TRIM44: variants seen among roughly 807,000 people sequenced by gnomAD.
TRIM44 encodes the protein tripartite motif containing 44, also known as tripartite motif-containing protein 44.
In TRIM44, 13 loss-of-function variants were observed where a neutral mutation model predicts 37.4. The ratio of observed to expected loss-of-function variants is 0.35; its 90% CI spans 0.23 to 0.55. The LOEUF is 0.55. Ranked by LOEUF, TRIM44 falls within the 20% of genes least tolerant of loss-of-function variation. TRIM44 has a pLI of 0.89. For missense variants in TRIM44, 426 were observed against 437.2 expected, an observed-to-expected ratio of 0.97 and a Z score of 0.23; for synonymous variants, 175 against 157.2, an observed-to-expected ratio of 1.11 and a Z score of -0.85.
chr11:35,746,545 C>A (rs1411185733), intron 4 of TRIM44, among the ~76,000 whole-genome samples: 1 of 143,266 alleles, frequency 7.0e-6, no homozygotes, highest in Non-Finnish European at 1.5e-5. Context: ...CTCATGCTGG[C>A]AGCATATGCT....
chr11:35,694,744 C>T (rs2135496130), intron 2 of TRIM44, among the ~76,000 whole-genome samples: 1 of 152,000 alleles, frequency 6.6e-6, no homozygotes, highest in East Asian at 1.9e-4. Context: ...TGAGGAGGGA[C>T]CCTTCTCAGT....
In TRIM44 at chr11:35,663,457, G is replaced by A; in HGVS notation, c.346G>A (p.Glu116Lys). Residue 116 changes from glutamate to lysine, a missense_variant, in exon 1 of 5, where the codon GAG (glutamate) becomes AAG (lysine). Around this residue, in one of 2 missense-constraint regions of TRIM44, gnomAD observed 331 missense variants for 303.0 expected, o/e 1.09. Transcript: ENST00000299413. ...ESEEESETEE[E>K]SEDESDEESE... ...AGAGGAAGAGAGCGAGACAGAGGAA[G>A]AGAGTGAGGATGAGAGCGATGAGGA... 1 of 1,565,672 alleles carries A rather than the reference G, an allele frequency of 6.4e-7. No individual in the cohort carries two copies. Among genetic ancestry groups the A allele is most frequent in the South Asian group, 1.2e-5 (1 of 86,178 alleles).
chr11:35,697,821 T>C (rs1851725507), intron 2 of TRIM44, among the ~76,000 whole-genome samples: 1 of 152,184 alleles, frequency 6.6e-6, no homozygotes, highest in Non-Finnish European at 1.5e-5. Flanking sequence ...CCATGGTGTA[T>C]ATGTGCCACA....
chr11:35,798,579 G>T (rs1296746677), intron 4 of TRIM44, among the ~76,000 whole-genome samples: 1 of 152,180 alleles, frequency 6.6e-6, no homozygotes, highest in East Asian at 1.9e-4. Flanking sequence ...TTGGACCCAG[G>T]AGGAAACTCC....
chr11:35,686,312 C>T (rs990007376), intron 2 of TRIM44, among the ~76,000 whole-genome samples: 1 of 151,380 alleles, frequency 6.6e-6, no homozygotes, highest in Non-Finnish European at 1.5e-5. Flanking sequence ...AAGTTTCTCA[C>T]AATTAAATAG....
At chr11:35,779,988 A>G (rs557325011) in intron 4 of TRIM44, among the ~76,000 whole-genome samples, 2 of 151,162 alleles carry the variant, frequency 1.3e-5, no homozygotes, top group African/African-American at 4.9e-5. Context: ...TATCATTACC[A>G]TACTGTTTTG....
intron 1 of TRIM44, among the ~76,000 whole-genome samples, chr11:35,679,047 C>T (rs558997652): frequency 2.0e-5 from 3 of 150,394 alleles, no homozygotes; most frequent in South Asian, 4.2e-4. Flanking sequence ...GGGAGGAAAA[C>T]ACCCCAATAC....
chr11:35,741,250 C>T (rs1852393648), intron 4 of TRIM44, among the ~76,000 whole-genome samples: 1 of 152,096 alleles, frequency 6.6e-6, no homozygotes, highest in Non-Finnish European at 1.5e-5. Context: ...TGTTATGGAA[C>T]CTGAGTTGAC....
chr11:35,796,324 T>C (rs1344667888), intron 4 of TRIM44, among the ~76,000 whole-genome samples: 2 of 152,246 alleles, frequency 1.3e-5, no homozygotes, highest in African/African-American at 2.4e-5. Context: ...AGACAGAGAT[T>C]AGAGATAAGT....
intron 4 of TRIM44, among the ~76,000 whole-genome samples, chr11:35,780,132 A>T (rs1456220545): frequency 2.0e-5 from 3 of 151,710 alleles, no homozygotes; most frequent in Non-Finnish European, 2.9e-5. Context: ...GTTTTTTTTT[A>T]AATTCTGAGG....
intron 2 of TRIM44, among the ~76,000 whole-genome samples, chr11:35,697,940 A>G (rs1851727477): frequency 6.6e-6 from 1 of 151,486 alleles, no homozygotes. Context: ...TTATAGCAGC[A>G]TGATTTATAG....
chr11:35,737,834 C>T (rs1434550695), intron 4 of TRIM44, among the ~76,000 whole-genome samples: 2 of 151,972 alleles, frequency 1.3e-5, no homozygotes, highest in African/African-American at 4.8e-5. Flanking sequence ...AAGACTCCAT[C>T]TCATAAAAAC....
intron 2 of TRIM44, among the ~76,000 whole-genome samples, chr11:35,707,057 C>T (rs1468146052): frequency 1.3e-5 from 2 of 152,180 alleles, no homozygotes. Flanking sequence ...TAAGCAACTT[C>T]AGCAAATTCT....
intron 2 of TRIM44, among the ~76,000 whole-genome samples, chr11:35,689,793 C>T (rs1236475974): frequency 2.0e-5 from 3 of 152,178 alleles, no homozygotes; most frequent in African/African-American, 7.2e-5. Flanking sequence ...ATTCCCTTTC[C>T]TCCCTTCCCC....
intron 3 of TRIM44, among the ~76,000 whole-genome samples, chr11:35,730,658 A>G (rs1852245267): frequency 1.3e-5 from 2 of 152,196 alleles, no homozygotes; most frequent in African/African-American, 2.4e-5. Flanking sequence ...GTCTCCATTT[A>G]TAAGTCTGTT....
chr11:35,729,685 T>C (rs1478682512), intron 3 of TRIM44, among the ~76,000 whole-genome samples: 1 of 152,208 alleles, frequency 6.6e-6, no homozygotes, highest in Non-Finnish European at 1.5e-5. Flanking sequence ...AGAATAGCAC[T>C]GTAGAGGCTT....
rs577015740 is a variant in TRIM44, at chr11:35,721,184, A to G, written c.748-4740A>G. Among the ~76,000 whole-genome samples the G allele has an allele frequency of 2.1e-4, 32 of 152,314 alleles. 1 individual carries two copies. Among genetic ancestry groups the G allele is most frequent in the Non-Finnish European group, 2.9e-5 (2 of 68,022 alleles). On this transcript the variant is annotated intron_variant, in intron 2 of 4. Transcript: ENST00000299413. Reference sequence around the variant, plus strand: ...CTCCCAAAGTGCCGGTATTACAGGCATGAGCCACCACACCTGGCCTATAAT... The same window carrying G: ...CTCCCAAAGTGCCGGTATTACAGGCGTGAGCCACCACACCTGGCCTATAAT...
At chr11:35,670,265 C>T (rs1851378345) in intron 1 of TRIM44, among the ~76,000 whole-genome samples, 1 of 152,194 alleles carries the variant, frequency 6.6e-6, no homozygotes, top group Admixed American at 6.5e-5. Flanking sequence ...AGAACTGCTT[C>T]GTGTACTCTG....
chr11:35,763,092 G>GCT (rs2133861093), intron 4 of TRIM44, among the ~76,000 whole-genome samples: 1 of 152,258 alleles, frequency 6.6e-6, no homozygotes, highest in African/African-American at 2.4e-5. Context: ...ATCAGCTTTA[G>GCT]CTCTGCTCCC....
Sources: gnomAD v4.1 joint callset for allele counts (sites outside exome capture counted in the v4.1 genomes callset) on GRCh38, gnomAD v4.1.1 for gene constraint, gnomAD v4.1.1 regional missense constraint, MANE v1.5 for transcripts, NCBI Gene and HGNC (gene_info 2026-07-23, HGNC 2026-07-21) for gene names.